YTHDF3: variants seen among roughly 807,000 people sequenced by gnomAD.
YTHDF3 encodes YTH domain-containing family protein 3.
Under a neutral mutation model 52.5 loss-of-function variants are expected in YTHDF3, and 9 were observed. The ratio of observed to expected loss-of-function variants is 0.17; its 90% CI spans 0.10 to 0.30. The LOEUF (loss-of-function observed/expected upper bound fraction) is 0.30. YTHDF3 is among the 10% of genes least tolerant of loss of function. The probability of loss-of-function intolerance (pLI) is 1.00; values close to 1 mark genes in which losing one functional copy is unlikely to be tolerated. For missense variants in YTHDF3, 534 were observed against 715.0 expected, an observed-to-expected ratio of 0.75 and a Z score of 2.89; for synonymous variants, 274 against 243.3, an observed-to-expected ratio of 1.13 and a Z score of -1.18.
chr8:63,205,086 A>G (rs1809934578), intron 4 of YTHDF3, among the ~76,000 whole-genome samples: 1 of 152,098 alleles, frequency 6.6e-6, no homozygotes, highest in African/African-American at 2.4e-5. Flanking sequence ...TCCATATGAC[A>G]AATTCCAGTC....
At chr8:63,188,553 T>C (rs573828424) in intron 4 of YTHDF3, among the ~76,000 whole-genome samples, 74 of 149,118 alleles carry the variant, frequency 5.0e-4, no homozygotes, top group Admixed American at 6.7e-4. Context: ...TCTCCTGAGC[T>C]CAAAGGATCT....
At chr8:63,177,489 C>G (rs1807774968) in intron 3 of YTHDF3, among the ~76,000 whole-genome samples, 1 of 152,148 alleles carries the variant, frequency 6.6e-6, no homozygotes, top group African/African-American at 2.4e-5. Context: ...CGTGATTTTA[C>G]TATATTCTGG....
chr8:63,182,682 G>A (rs1808220881), intron 3 of YTHDF3, among the ~76,000 whole-genome samples: 1 of 152,092 alleles, frequency 6.6e-6, no homozygotes, highest in Admixed American at 6.6e-5. Context: ...TACTGAATCT[G>A]GATTTCATTG....
At chr8:63,197,364 T>G (rs1000752194) in intron 4 of YTHDF3, among the ~76,000 whole-genome samples, 2 of 152,242 alleles carry the variant, frequency 1.3e-5, no homozygotes, top group Non-Finnish European at 2.9e-5. Flanking sequence ...TATAAAATGC[T>G]GTCTATTGGT....
chr8:63,180,215 A>G (rs1321238265), intron 3 of YTHDF3, among the ~76,000 whole-genome samples: 2 of 147,658 alleles, frequency 1.4e-5, no homozygotes, highest in African/African-American at 5.1e-5. Flanking sequence ...CTCACTTCTC[A>G]GACGGGGCGG....
chr8:63,192,348 A>T (rs1476523958), intron 4 of YTHDF3, among the ~76,000 whole-genome samples: 3 of 152,138 alleles, frequency 2.0e-5, no homozygotes, highest in Admixed American at 6.6e-5. Flanking sequence ...TCATTGCTGG[A>T]TGCTAGTTGC....
At position 63,187,191 on chromosome 8, in the gene YTHDF3, G is replaced by A. The variant is rs368150163; in HGVS notation, c.1180G>A (p.Val394Met). The stretch of plus-strand genomic sequence containing the variant: ...ACCTTCTAGTGTAGAAGTGCATCCC[G>A]TGCTGGAAAAGCTAAAGGCCATAAA... ...ASPSSVEVHP[V>M]LEKLKAINNY... is the part of the protein sequence containing the mutation. Residue 394 changes from valine to methionine, a missense_variant, in exon 4 of 5, where the codon GTG becomes ATG. By Grantham distance (21) the Val-to-Met change is conservative. Coordinates refer to ENST00000539294, the MANE Select transcript of YTHDF3 (RefSeq NM_152758.6). 28 of 1,613,864 alleles carry A rather than the reference G, an allele frequency of 1.7e-5. No homozygotes were observed. Among genetic ancestry groups the A allele is most frequent in the Middle Eastern group, 1.6e-4 (1 of 6,084 alleles).
chr8:63,178,473 T>A (rs956064830), intron 3 of YTHDF3, among the ~76,000 whole-genome samples: 1 of 152,276 alleles, frequency 6.6e-6, no homozygotes, highest in Non-Finnish European at 1.5e-5. Context: ...TTTTTTCAGC[T>A]GCATCATTGC....
intron 4 of YTHDF3, among the ~76,000 whole-genome samples, chr8:63,194,472 C>T (rs13264870): frequency 0.051 from 7,768 of 151,552 alleles, 269 homozygotes; most frequent in Non-Finnish European, 0.077. Flanking sequence ...GCAACAAGAG[C>T]GAAACTCTGT....
At chr8:63,180,623 T>G (rs1472561108) in intron 3 of YTHDF3, among the ~76,000 whole-genome samples, 10 of 150,408 alleles carry the variant, frequency 6.6e-5, no homozygotes, top group African/African-American at 2.0e-4. Context: ...CAAGGCAGGC[T>G]GCTGGGAGGT....
chr8:63,208,033 C>A (rs1045497902), intron 4 of YTHDF3, among the ~76,000 whole-genome samples: 1 of 152,044 alleles, frequency 6.6e-6, no homozygotes, highest in African/African-American at 2.4e-5. Context: ...TTTATCTTTT[C>A]TTCTTTTGCT....
chr8:63,169,496 T>G, intron 2 of YTHDF3, 85 bp downstream of exon 2: 1 of 1,430,144 alleles, frequency 7.0e-7, no homozygotes, highest in Non-Finnish European at 9.6e-7. Flanking sequence ...TGTTTGTTTT[T>G]GCTCCCTCTT....
rs1287669374 is a variant in YTHDF3, at chr8:63,186,755, T to C, written c.744T>C (p.Pro248=). 2.3e-5 allele frequency: 37 copies of C among 1,613,786 alleles called. No individual in the cohort carries two copies. The highest frequency in any genetic ancestry group is 3.1e-5 in the Non-Finnish European group (36 of 1,179,886). The change falls in exon 4 of 5, where the codon CCT becomes CCC. Residue 248 remains proline (P), a synonymous_variant. Coordinates refer to ENST00000539294, the MANE Select transcript of YTHDF3 (RefSeq NM_152758.6). ...WAAIARKPAK[P]QPKLKPKGNV... ...CCATTGCCAGAAAGCCTGCCAAACC[T>C]CAACCGAAACTTAAACCCAAGGGCA...
chr8:63,169,597 A>G, intron 2 of YTHDF3, 186 bp downstream of exon 2: 1 of 631,896 alleles, frequency 1.6e-6, no homozygotes, highest in Non-Finnish European at 2.8e-6. Flanking sequence ...CTTTGAAGCC[A>G]CTTTATAGAA....
At chr8:63,176,173 TCAC>T (rs1434224479) in intron 3 of YTHDF3, among the ~76,000 whole-genome samples, 5 of 152,252 alleles carry the variant, frequency 3.3e-5, no homozygotes, top group African/African-American at 7.2e-5. Flanking sequence ...TTTTCAGTAT[TCAC>T]CAGTTTTTTT....
In YTHDF3 at chr8:63,178,455, CA is replaced by C. The variant is rs1313615538; in HGVS notation, c.135+3042del. On this transcript the variant is annotated intron_variant, in intron 3 of 4. Transcript: ENST00000539294. ...GTAAAGGCATTTACCTTAGTGAACC[CA>C]AATGAATTTTTTCAGCTGCATCATT... Among the ~76,000 whole-genome samples, 10 of 152,234 alleles carry C rather than the reference CA, an allele frequency of 6.6e-5. No individual in the cohort carries two copies. In the East Asian group the frequency reaches 1.9e-3, roughly 29 times the overall value.
At chr8:63,201,980 A>T (rs897316254) in intron 4 of YTHDF3, among the ~76,000 whole-genome samples, 1 of 152,276 alleles carries the variant, frequency 6.6e-6, no homozygotes, top group South Asian at 2.1e-4. Flanking sequence ...ATGCCACCAT[A>T]TATTTAGATC....
chr8:63,168,792 G>C lies in YTHDF3; in HGVS notation c.-86G>C, dbSNP rs1563388500. The C allele has an allele frequency of 1.3e-6, 2 of 1,548,746 alleles. No homozygotes were observed. The highest frequency in any genetic ancestry group is 1.7e-6 in the Non-Finnish European group (2 of 1,146,312). ...CGGCGGCGGCTGGAACAATCACTCGGCCAAGGGCGACAGCCAACTGCTGTG... is the reference window on the plus strand; with the variant it reads ...CGGCGGCGGCTGGAACAATCACTCGCCCAAGGGCGACAGCCAACTGCTGTG... On this transcript the variant is annotated 5_prime_UTR_variant, in exon 1 of 5. Coordinates refer to ENST00000539294, the MANE Select transcript of YTHDF3 (RefSeq NM_152758.6).
At position 63,182,085 on chromosome 8, in the gene YTHDF3, T is replaced by C. The variant is rs1482831266; in HGVS notation, c.136-4062T>C. On this transcript the variant is annotated intron_variant, in intron 3 of 4. Coordinates refer to ENST00000539294, the MANE Select transcript of YTHDF3 (RefSeq NM_152758.6). Reference sequence around the variant, plus strand: ...GTGTGTGGTTTTTTTTAAATTTTTTTTTTAAGAGGGTTTTATTCTGTAGCC... The same window carrying C: ...GTGTGTGGTTTTTTTTAAATTTTTTCTTTAAGAGGGTTTTATTCTGTAGCC... 1.1e-4 allele frequency among the ~76,000 whole-genome samples: 17 copies of C among 151,948 alleles called. 1 individual carries two copies. Among genetic ancestry groups the C allele is most frequent in the Admixed American group, 1.1e-3 (17 of 15,240 alleles).
Sources: gnomAD v4.1 joint callset for allele counts (sites outside exome capture counted in the v4.1 genomes callset) on GRCh38, gnomAD v4.1.1 for gene constraint, MANE v1.5 for transcripts, NCBI Gene and HGNC (gene_info 2026-07-23, HGNC 2026-07-21) for gene names.